The following RUFY2 variants were observed in gnomAD, a reference collection of about 807,000 sequenced individuals.
RUFY2 encodes RUN and FYVE domain-containing protein 2.
Under a neutral mutation model 94.4 loss-of-function variants are expected in RUFY2, and 49 were observed. That is an observed-to-expected ratio of 0.52 (90% CI 0.41 to 0.66). The LOEUF (loss-of-function observed/expected upper bound fraction) is 0.66, where lower values mean the gene tolerates loss of function less well. Among genes scored for constraint, RUFY2 ranks in the 30% least tolerant of loss-of-function variants. The pLI is 0.00. For missense variants in RUFY2, 541 were observed against 692.8 expected, an observed-to-expected ratio of 0.78 and a Z score of 2.46; for synonymous variants, 255 against 235.7, an observed-to-expected ratio of 1.08 and a Z score of -0.75.
At chr10:68,393,702 C>T (rs2050169385) in intron 6 of RUFY2, 1 of 232,520 alleles carries the variant, frequency 4.3e-6, no homozygotes, top group Admixed American at 6.2e-5. Flanking sequence ...GCACTCCAGC[C>T]TGGGCAACAG....
Position 68,363,698 on chromosome 10 carries a change from A to T in RUFY2, c.1456-14T>A. On this transcript the variant is annotated splice_polypyrimidine_tract_variant and intron_variant, in intron 14 of 17. Transcript: ENST00000602465. ...GTTAAGGAACTCCTTCAGAACAATA[A>T]AAGACAGAAAATGAAATTTAAAAGA... The T allele has an allele frequency of 6.8e-7, 1 of 1,474,862 alleles. No individual in the cohort carries two copies. The highest frequency in any genetic ancestry group is 9.2e-7 in the Non-Finnish European group (1 of 1,086,112). 91.4% of individuals were successfully genotyped at this position (1,474,862 alleles called of 1,614,324 possible).
At chr10:68,400,856 C>T (rs1427305094) in intron 3 of RUFY2, among the ~76,000 whole-genome samples, 1 of 150,006 alleles carries the variant, frequency 6.7e-6, no homozygotes, top group African/African-American at 2.5e-5. Context: ...ACTAAAAATA[C>T]AAAAAAATTA....
intron 16 of RUFY2, among the ~76,000 whole-genome samples, chr10:68,353,520 C>T (rs1004808224): frequency 3.3e-5 from 5 of 151,192 alleles, no homozygotes; most frequent in Admixed American, 1.3e-4. Context: ...CAGAGTAAGA[C>T]GGGTTTTGGG....
chr10:68,363,279 C>T (rs544216734), intron 15 of RUFY2, among the ~76,000 whole-genome samples: 2 of 152,114 alleles, frequency 1.3e-5, no homozygotes, highest in Admixed American at 6.6e-5. Context: ...TGGGTTCAAG[C>T]GATTCTCATG....
chr10:68,374,355 AAGC>A (rs936268302), intron 13 of RUFY2, among the ~76,000 whole-genome samples: 2 of 152,116 alleles, frequency 1.3e-5, no homozygotes, highest in African/African-American at 2.4e-5. Flanking sequence ...AATCAACGGA[AAGC>A]AGGAGTCACT....
rs985535429 is a variant in RUFY2 at position 68,407,221 on chromosome 10, G to A, written c.-32C>T. ...GGCGGCTGCGCGGTCTCGGGCGGAG[G>A]CTCCCTCGGCCTGTCCAGCAGCTCC... On this transcript the variant is annotated 5_prime_UTR_variant, in exon 1 of 18. Transcript: ENST00000602465. The A allele has an allele frequency of 4.1e-5, 57 of 1,394,182 alleles. No homozygotes were observed. The highest frequency in any genetic ancestry group is 2.8e-4 in the African/African-American group (18 of 65,322). The allele number at this position is 1,394,182 out of a possible 1,614,324, so 86.4% of individuals were successfully genotyped here. A position where few individuals can be genotyped will look rare whatever the true frequency, so the allele number is the denominator to read the frequency against.
At chr10:68,368,634 G>C (rs965089510) in intron 13 of RUFY2, among the ~76,000 whole-genome samples, 2 of 151,204 alleles carry the variant, frequency 1.3e-5, no homozygotes, top group Non-Finnish European at 2.9e-5. Flanking sequence ...ATTCCAGCCT[G>C]GGCAACAAGA....
chr10:68,393,979 A>G lies in RUFY2; in HGVS notation c.584+96T>C, dbSNP rs1274486873. 5 of 1,429,414 alleles carry G rather than the reference A, an allele frequency of 3.5e-6. No homozygotes were observed. The South Asian group carries it at 6.7e-5, about 19-fold the overall frequency. 88.5% of individuals were successfully genotyped at this position (1,429,414 alleles called of 1,614,324 possible). On this transcript the variant is annotated intron_variant, in intron 6 of 17. Coordinates refer to ENST00000602465, the MANE Select transcript of RUFY2 (RefSeq NM_001330103.2). The stretch of plus-strand genomic sequence containing the variant: ...AAGAAGTCACAGGGGGGAAAACAAC[A>G]AAATAAAACCACACTGTAAATAGAT...
At chr10:68,367,331 G>C (rs2132540123) in intron 13 of RUFY2, among the ~76,000 whole-genome samples, 1 of 152,248 alleles carries the variant, frequency 6.6e-6, no homozygotes, top group East Asian at 1.9e-4. Context: ...TGTTTCATTT[G>C]GCAAGGCACA....
chr10:68,381,148 T>C (rs2049032373), intron 11 of RUFY2, 84 bp downstream of exon 11: 1 of 964,894 alleles, frequency 1.0e-6, no homozygotes, highest in Non-Finnish European at 1.5e-6. Context: ...TAAAATAAAA[T>C]GGGCTCATCT....
intron 13 of RUFY2, among the ~76,000 whole-genome samples, chr10:68,376,489 T>TATATATATATATACATATATATATTC (rs58358117): frequency 1.9e-5 from 1 of 51,814 alleles, no homozygotes; most frequent in Admixed American, 2.8e-4. Flanking sequence ...TATATATATA[T>TATATATATATATACATATATATATTC]ATTCTCAGAA....
At chr10:68,366,446 T>C (rs2047824791) in intron 13 of RUFY2, among the ~76,000 whole-genome samples, 1 of 150,730 alleles carries the variant, frequency 6.6e-6, no homozygotes, top group Non-Finnish European at 1.5e-5. Flanking sequence ...ACAATAAACT[T>C]AGAAAAAATT....
chr10:68,385,544 T>C (rs1008726987), intron 8 of RUFY2, among the ~76,000 whole-genome samples: 7 of 152,000 alleles, frequency 4.6e-5, no homozygotes, highest in Admixed American at 2.6e-4. Context: ...ATCTGACTAG[T>C]GGAACAGTGG....
intron 13 of RUFY2, among the ~76,000 whole-genome samples, chr10:68,372,976 AAAT>A (rs1260261089): frequency 6.6e-6 from 1 of 152,186 alleles, no homozygotes; most frequent in Non-Finnish European, 1.5e-5. Context: ...CAGGAATAAA[AAAT>A]AATAATGAAG....
chr10:68,366,615 A>G (rs912988556), intron 13 of RUFY2, among the ~76,000 whole-genome samples: 4 of 148,876 alleles, frequency 2.7e-5, no homozygotes, highest in Non-Finnish European at 4.5e-5. Flanking sequence ...GGTGGCACAC[A>G]CATTTAATCC....
chr10:68,352,320 A>C (rs2046738646), intron 16 of RUFY2, among the ~76,000 whole-genome samples: 1 of 152,082 alleles, frequency 6.6e-6, no homozygotes, highest in African/African-American at 2.4e-5. Flanking sequence ...GAAGCTACTG[A>C]AAGATGTGTT....
intron 14 of RUFY2, 118 bp from the exon 15 acceptor site, chr10:68,363,802 T>G (rs1359486659): frequency 1.2e-6 from 1 of 849,990 alleles, no homozygotes; most frequent in Non-Finnish European, 1.8e-6. Context: ...AGAAACAAAT[T>G]GTGTCCAAAG....
chr10:68,377,366 G>A, intron 12 of RUFY2: 1 of 1,057,334 alleles, frequency 9.5e-7, no homozygotes, highest in Non-Finnish European at 1.1e-6. Context: ...AGGTGAAGAA[G>A]CCACACTGTT....
intron 2 of RUFY2, among the ~76,000 whole-genome samples, chr10:68,403,778 G>A (rs1404320365): frequency 6.6e-6 from 1 of 151,364 alleles, no homozygotes; most frequent in East Asian, 1.9e-4. Context: ...ACAAAGTTTA[G>A]GTAAATCTTT....
Sources: gnomAD v4.1 joint callset for allele counts (sites outside exome capture counted in the v4.1 genomes callset) on GRCh38, gnomAD v4.1.1 for gene constraint, MANE v1.5 for transcripts, NCBI Gene and HGNC (gene_info 2026-07-23, HGNC 2026-07-21) for gene names.